EPS15L1: variants seen among roughly 807,000 people sequenced by gnomAD.
The protein encoded by EPS15L1 is epidermal growth factor receptor substrate 15-like 1.
Under a neutral mutation model 117.1 loss-of-function variants are expected in EPS15L1, and 43 were observed. The observed-to-expected ratio is 0.37, with a 90% CI of 0.29 to 0.47. EPS15L1 has a LOEUF of 0.47. EPS15L1 is among the 20% of genes least tolerant of loss of function. The pLI is 0.99. For missense variants in EPS15L1, 981 were observed against 1,164.0 expected, an observed-to-expected ratio of 0.84 and a Z score of 2.29; for synonymous variants, 459 against 470.5, an observed-to-expected ratio of 0.98 and a Z score of 0.32.
At chr19:16,460,066 G>A (rs562027945) in intron 1 of EPS15L1, among the ~76,000 whole-genome samples, 7 of 152,184 alleles carry the variant, frequency 4.6e-5, no homozygotes, top group Admixed American at 4.6e-4. Context: ...CTTAAGGTCA[G>A]GAATTCAAGA....
In EPS15L1 at chr19:16,438,240, C is replaced by A. The variant is rs886332138; in HGVS notation, c.214-375G>T. ...TGGTGGCAGGTGCCTGAAATCCCAG[C>A]TACTTGGGAGGCTGAGGCAGGAGAA... On this transcript the variant is annotated intron_variant, in intron 4 of 23. Transcript: ENST00000455140. Among the ~76,000 whole-genome samples the A allele has an allele frequency of 7.9e-5, 12 of 152,202 alleles. No individual in the cohort carries two copies. In the East Asian group the frequency reaches 2.3e-3, roughly 29 times the overall value.
chr19:16,406,738 A>C (rs2144854564), intron 13 of EPS15L1, among the ~76,000 whole-genome samples: 1 of 152,384 alleles, frequency 6.6e-6, no homozygotes. Flanking sequence ...AAATGTGTAC[A>C]TCACATCCTT....
chr19:16,361,995 T>C lies in EPS15L1; in HGVS notation c.2381-11A>G, dbSNP rs769628478. On this transcript the variant is annotated splice_polypyrimidine_tract_variant and intron_variant, in intron 22 of 23. Transcript: ENST00000455140. ...CAGGTGTACTTTTACCTGGAAAGTT[T>C]AGGAGAAAAAAAAAAGGAGAAAGAA... 9.5e-6 allele frequency: 15 copies of C among 1,574,780 alleles called. No individual in the cohort carries two copies. Among genetic ancestry groups the C allele is most frequent in the South Asian group, 2.3e-5 (2 of 85,604 alleles).
Position 16,418,053 on chromosome 19 carries a change from C to A in EPS15L1, c.1002G>T (p.Ala334=). Residue 334 remains alanine (A), a synonymous_variant, in exon 11 of 24, where the codon GCG becomes GCT. Coordinates refer to ENST00000455140, the MANE Select transcript of EPS15L1 (RefSeq NM_001258374.3). ...QTGKLSKDQF[A]LAMYFIQQKV... Reference sequence around the variant, plus strand: ...TCTGCTGAATGAAATACATAGCTAACGCGAATTGGTCTTTGCTTAACTTCC... The same window carrying A: ...TCTGCTGAATGAAATACATAGCTAAAGCGAATTGGTCTTTGCTTAACTTCC... 2 of 1,614,192 alleles carry A rather than the reference C, an allele frequency of 1.2e-6. No individual in the cohort carries two copies. Among genetic ancestry groups the A allele is most frequent in the East Asian group, 2.2e-5 (1 of 44,882 alleles).
intron 23 of EPS15L1, among the ~76,000 whole-genome samples, chr19:16,359,019 A>G (rs907305272): frequency 6.6e-6 from 1 of 152,168 alleles, no homozygotes; most frequent in Non-Finnish European, 1.5e-5. Flanking sequence ...CCATTGATGG[A>G]AATTTGGGGT....
intron 13 of EPS15L1, among the ~76,000 whole-genome samples, chr19:16,407,163 GC>G (rs1378778456): frequency 1.3e-5 from 2 of 152,288 alleles, no homozygotes; most frequent in East Asian, 3.9e-4. Flanking sequence ...AGACACACAT[GC>G]CATGTCAGCG....
rs1211018086 is a variant in EPS15L1, at chr19:16,417,651, C to A, written c.1108-14G>T. ...GCCTGAACTGTCCTAGAATTGAATT[C>A]AGAGGCGAGATCTCTAATTAGCAAC... On this transcript the variant is annotated splice_polypyrimidine_tract_variant and intron_variant, in intron 11 of 23. Transcript: ENST00000455140. 3 of 1,611,340 alleles carry A rather than the reference C, an allele frequency of 1.9e-6. No individual in the cohort carries two copies. Among genetic ancestry groups the A allele is most frequent in the Middle Eastern group, 1.7e-4 (1 of 6,050 alleles).
intron 1 of EPS15L1, among the ~76,000 whole-genome samples, chr19:16,443,936 C>T (rs1315279270): frequency 2.0e-5 from 3 of 151,090 alleles, no homozygotes; most frequent in South Asian, 4.2e-4. Flanking sequence ...TGGTGGTGTG[C>T]GCCTGTAATC....
At chr19:16,425,362 C>CA in intron 8 of EPS15L1, 46 bp from the exon 9 acceptor site, 1 of 1,388,914 alleles carries the variant, frequency 7.2e-7, no homozygotes, top group Non-Finnish European at 1.0e-6. Context: ...AGGCTGGGGC[C>CA]GGGACCATCA....
chr19:16,418,175 CCTTG>C, intron 10 of EPS15L1, 71 bp from the exon 11 acceptor site: 1 of 1,516,732 alleles, frequency 6.6e-7, no homozygotes. Flanking sequence ...GTCACCGATC[CCTTG>C]CTTTTCAAAA....
rs76154324 is a variant in EPS15L1, at chr19:16,373,239, C to G, written c.2380+3883G>C. Among the ~76,000 whole-genome samples, 276 of 152,190 alleles carry G rather than the reference C, an allele frequency of 1.8e-3. 5 individuals are homozygous for G. The East Asian group carries it at 0.048, about 26-fold the overall frequency. ...CTCGACCGCCAGGCTCACAGGGGGTCGCATTTCACCTTCCTCCTCACTCAG... is the reference window on the plus strand; with the variant it reads ...CTCGACCGCCAGGCTCACAGGGGGTGGCATTTCACCTTCCTCCTCACTCAG... On this transcript the variant is annotated intron_variant, in intron 22 of 23. Transcript: ENST00000455140.
At chr19:16,451,818 C>A (rs368035210) in intron 1 of EPS15L1, among the ~76,000 whole-genome samples, 1 of 149,586 alleles carries the variant, frequency 6.7e-6, no homozygotes, top group African/African-American at 2.4e-5. Context: ...CGTGAGCCAC[C>A]GCGCCTGGCC....
intron 7 of EPS15L1, 60 bp from the exon 8 acceptor site, chr19:16,428,821 C>G: frequency 7.3e-7 from 1 of 1,369,792 alleles, no homozygotes; most frequent in Non-Finnish European, 1.0e-6. Flanking sequence ...AGAGTGAGAC[C>G]ACCTGCCGGA....
At chr19:16,454,997 C>T (rs775806376) in intron 1 of EPS15L1, among the ~76,000 whole-genome samples, 17 of 151,898 alleles carry the variant, frequency 1.1e-4, no homozygotes, top group Non-Finnish European at 4.4e-5. Context: ...GGTGTGGTGG[C>T]GCACACCTGT....
At chr19:16,437,953 G>A (rs1231810469) in intron 4 of EPS15L1, 88 bp from the exon 5 acceptor site, 2 of 1,002,436 alleles carry the variant, frequency 2.0e-6, no homozygotes, top group Admixed American at 4.3e-5. Context: ...TTCAGGGAAA[G>A]AGGATGTGCA....
At chr19:16,389,196 G>C (rs142834272) in intron 19 of EPS15L1, among the ~76,000 whole-genome samples, 121 of 152,010 alleles carry the variant, frequency 8.0e-4, no homozygotes, top group African/African-American at 2.8e-3. Flanking sequence ...ACTCAAGCCT[G>C]TGATCCCAGC....
chr19:16,440,836 T>C (rs776144331), intron 4 of EPS15L1, 26 bp downstream of exon 4: 3 of 1,612,886 alleles, frequency 1.9e-6, no homozygotes, highest in Non-Finnish European at 2.5e-6. Flanking sequence ...AGCCCCTCCA[T>C]TTGCTCTGTG....
At chr19:16,387,184 A>G (rs992771035) in intron 19 of EPS15L1, among the ~76,000 whole-genome samples, 1 of 152,254 alleles carries the variant, frequency 6.6e-6, no homozygotes, top group African/African-American at 2.4e-5. Context: ...AACAAATGAA[A>G]GTTCCGGAAC....
rs368232439 is a variant in EPS15L1 at position 16,425,242 on chromosome 19, G to T, written c.633C>A (p.Pro211=). ...PSALPPSLIP[P]SKRKKTVFPG... is the part of the protein sequence containing the mutation. The stretch of plus-strand genomic sequence containing the variant: ...GGAACACAGTCTTCTTTCTCTTGGA[G>T]GGTGGGATGAGGGACGGGGGCAGGG... The change falls in exon 9 of 24, where the codon CCC becomes CCA. Residue 211 remains proline (P), a synonymous_variant. Coordinates refer to ENST00000455140, the MANE Select transcript of EPS15L1 (RefSeq NM_001258374.3). 4.4e-6 allele frequency: 7 copies of T among 1,595,552 alleles called. No individual in the cohort carries two copies. The highest frequency in any genetic ancestry group is 6.0e-6 in the Non-Finnish European group (7 of 1,163,798).
Sources: gnomAD v4.1 joint callset for allele counts (sites outside exome capture counted in the v4.1 genomes callset) on GRCh38, gnomAD v4.1.1 for gene constraint, MANE v1.5 for transcripts, NCBI Gene and HGNC (gene_info 2026-07-23, HGNC 2026-07-21) for gene names.